MYO7B: variants seen among roughly 807,000 people sequenced by gnomAD.
The protein encoded by MYO7B is myosin VIIB, also known as unconventional myosin-VIIb.
Under a neutral mutation model 259.7 loss-of-function variants are expected in MYO7B, and 212 were observed. That is an observed-to-expected ratio of 0.82 (90% CI 0.73 to 0.91). The LOEUF (loss-of-function observed/expected upper bound fraction) is 0.91, where lower values mean the gene tolerates loss of function less well. Ranked by LOEUF, MYO7B falls within the 40% of genes least tolerant of loss-of-function variation. MYO7B has a pLI of 0.00. For missense variants in MYO7B, 2,732 were observed against 2,813.5 expected (o/e 0.97, Z 0.66); for synonymous variants, 1,197 against 1,166.4 (o/e 1.03, Z -0.54).
chr2:127,565,041 C>T (rs560684195), intron 3 of MYO7B, among the ~76,000 whole-genome samples, 192 bp from the exon 4 acceptor site: 25 of 152,284 alleles, frequency 1.6e-4, no homozygotes, highest in Admixed American at 9.8e-4. Context: ...ATAGATGGAC[C>T]GGATCCTGCC....
In MYO7B at chr2:127,613,685, C is replaced by T. The variant is rs1680468653; in HGVS notation, c.3398+1082C>T. 6.6e-6 allele frequency among the ~76,000 whole-genome samples: 1 copy of T among 152,142 alleles called. No individual in the cohort carries two copies. The highest frequency in any genetic ancestry group is 6.5e-5 in the Admixed American group (1 of 15,278). On this transcript the variant is annotated intron_variant, in intron 26 of 47. Transcript: ENST00000409816. This position sits in a 1 kb window ranked among gnomAD's most constrained non-coding sequence, Gnocchi z 4.3. ...TGTATCCTGGACATTGAGGATGATA[C>T]GTTAGAGACTCTGGATTCTGTTATA...
At chr2:127,550,837 G>A (rs1693417888) in intron 1 of MYO7B, among the ~76,000 whole-genome samples, 3 of 139,704 alleles carry the variant, frequency 2.1e-5, no homozygotes, top group Admixed American at 1.5e-4. Context: ...AGAGGGTAAA[G>A]GACCAGGAGA....
intron 26 of MYO7B, among the ~76,000 whole-genome samples, chr2:127,616,624 A>G (rs1454475166): frequency 6.6e-6 from 1 of 152,226 alleles, no homozygotes; most frequent in African/African-American, 2.4e-5. Flanking sequence ...ACCGGTGGGA[A>G]TCTTAGTGAG....
At position 127,614,588 on chromosome 2, in the gene MYO7B, A is replaced by C. The variant is rs1382433323; in HGVS notation, c.3398+1985A>C. Among the ~76,000 whole-genome samples the C allele has an allele frequency of 3.9e-5, 6 of 152,190 alleles. No individual in the cohort carries two copies. The highest frequency in any genetic ancestry group is 7.3e-5 in the Non-Finnish European group (5 of 68,030). On this transcript the variant is annotated intron_variant, in intron 26 of 47. Coordinates refer to ENST00000409816, the MANE Select transcript of MYO7B (RefSeq NM_001393586.1). This position sits in a 1 kb window ranked among gnomAD's most constrained non-coding sequence, Gnocchi z 4.6. ...GAACTCAATCAACAGGCTCTATTCT[A>C]GTACCCTGGGAGGTGGCAAATGGGC...
intron 40 of MYO7B, among the ~76,000 whole-genome samples, chr2:127,633,858 C>G (rs1346917824): frequency 1.8e-4 from 28 of 151,786 alleles, no homozygotes; most frequent in Admixed American, 1.8e-3. Context: ...TGTCGCCTCG[C>G]GCCCTCTCCA....
chr2:127,573,597 G>A (rs761637422), intron 6 of MYO7B, among the ~76,000 whole-genome samples: 5 of 152,152 alleles, frequency 3.3e-5, no homozygotes, highest in Non-Finnish European at 5.9e-5. Context: ...TTCTGAGCCC[G>A]GCATTTAAGG....
In MYO7B at chr2:127,615,556, T is replaced by G. The variant is rs1350757587; in HGVS notation, c.3398+2953T>G. 6.6e-6 allele frequency among the ~76,000 whole-genome samples: 1 copy of G among 151,950 alleles called. No homozygotes were observed. Among genetic ancestry groups the G allele is most frequent in the African/African-American group, 2.4e-5 (1 of 41,334 alleles). ...GGTCAGCTGCTTAATTGATCACAGG[T>G]TCATAGTATTACTAACAGGCTTCAG... is the stretch of plus-strand genomic sequence containing the variant. On this transcript the variant is annotated intron_variant, in intron 26 of 47. Transcript: ENST00000409816. This position sits in a 1 kb window ranked among gnomAD's most constrained non-coding sequence, Gnocchi z 4.4.
In MYO7B at chr2:127,627,511, T is replaced by TAGTA; in HGVS notation, c.4460+201_4460+202insAGTA. ...CCAGGCCGTACTGCCCATGAAGTACTCCATTGGGGCATCACGCGTTGCACT... is the reference window on the plus strand; with the variant it reads ...CCAGGCCGTACTGCCCATGAAGTACTAGTACCATTGGGGCATCACGCGTTGCACT... On this transcript the variant is annotated intron_variant, in intron 33 of 47. Coordinates refer to ENST00000409816, the MANE Select transcript of MYO7B (RefSeq NM_001393586.1). The surrounding 1 kb of genome is among the most constrained non-coding windows in gnomAD (Gnocchi z 5.6). 1.3e-6 allele frequency: 1 copy of TAGTA among 763,026 alleles called. No individual in the cohort carries two copies. The highest frequency in any genetic ancestry group is 2.2e-6 in the Non-Finnish European group (1 of 447,072). 47.3% of individuals were successfully genotyped at this position (763,026 alleles called of 1,614,324 possible). A position where few individuals can be genotyped will look rare whatever the true frequency, so the allele number is the denominator to read the frequency against.
intron 2 of MYO7B, among the ~76,000 whole-genome samples, chr2:127,563,650 G>A (rs1678198145): frequency 6.6e-6 from 1 of 152,204 alleles, no homozygotes; most frequent in East Asian, 1.9e-4. Context: ...CTGCCTTGGA[G>A]AAGTGAACTT....
In MYO7B at chr2:127,536,442, G is replaced by A. The variant is rs550534290; in HGVS notation, c.-24+611G>A. On this transcript the variant is annotated intron_variant, in intron 1 of 47. Transcript: ENST00000409816. ...CTCTGGAAGGCTGGGACCCTAGGGAGAGGCAGGACAGGTCTGGGGTGTGGT... is the reference window on the plus strand; with the variant it reads ...CTCTGGAAGGCTGGGACCCTAGGGAAAGGCAGGACAGGTCTGGGGTGTGGT... Among the ~76,000 whole-genome samples the A allele has an allele frequency of 5.3e-4, 76 of 143,036 alleles. 1 individual carries two copies. In the South Asian group the frequency reaches 0.014, roughly 26 times the overall value. 93.8% of individuals were successfully genotyped at this position (143,036 alleles called of 152,430 possible). A position where few individuals can be genotyped will look rare whatever the true frequency, so the allele number is the denominator to read the frequency against.
chr2:127,560,610 C>T (rs1465674181), intron 2 of MYO7B, among the ~76,000 whole-genome samples: 9 of 152,230 alleles, frequency 5.9e-5, no homozygotes, highest in African/African-American at 1.7e-4. Flanking sequence ...AGAAGCCTGG[C>T]GGCGGGGAGT....
chr2:127,627,381 G>T lies in MYO7B; in HGVS notation c.4460+71G>T. ...TGATGCATCTGGGGGCTCGGGGAGAGATGGGGAGAGGGGCAGTGTGCCGTC... is the reference window on the plus strand; with the variant it reads ...TGATGCATCTGGGGGCTCGGGGAGATATGGGGAGAGGGGCAGTGTGCCGTC... On this transcript the variant is annotated intron_variant, in intron 33 of 47. Transcript: ENST00000409816. This position sits in a 1 kb window ranked among gnomAD's most constrained non-coding sequence, Gnocchi z 5.6. The T allele has an allele frequency of 6.3e-5, 90 of 1,433,776 alleles. No individual in the cohort carries two copies. The highest frequency in any genetic ancestry group is 6.7e-5 in the Non-Finnish European group (70 of 1,039,712). 88.8% of individuals were successfully genotyped at this position (1,433,776 alleles called of 1,614,324 possible).
At position 127,593,587 on chromosome 2, in the gene MYO7B, C is replaced by T. The variant is rs1679653293; in HGVS notation, c.2187C>T (p.Asp729=). 3 of 1,613,668 alleles carry T rather than the reference C, an allele frequency of 1.9e-6. No individual in the cohort carries two copies. The highest frequency in any genetic ancestry group is 1.7e-5 in the Admixed American group (1 of 60,012). The part of the protein sequence containing the change: ...KLRQMTLGIT[D]VWLRTDKDWK... ...GCCAGATGACCCTGGGCATCACTGA[C>T]GTGTGGCTGCGGACAGACAAAGACT... Residue 729 remains aspartate (D), a synonymous_variant, in exon 18 of 48, where the codon GAC becomes GAT. Transcript: ENST00000409816.
At chr2:127,558,174 A>G (rs1210758863) in intron 1 of MYO7B, among the ~76,000 whole-genome samples, 1 of 152,230 alleles carries the variant, frequency 6.6e-6, no homozygotes, top group Non-Finnish European at 1.5e-5. Flanking sequence ...AATCCCATCA[A>G]AAAGTGGGCT....
At position 127,586,103 on chromosome 2, in the gene MYO7B, G is replaced by C. The variant is rs1377855402; in HGVS notation, c.1690+1190G>C. On this transcript the variant is annotated intron_variant, in intron 14 of 47. Coordinates refer to ENST00000409816, the MANE Select transcript of MYO7B (RefSeq NM_001393586.1). The surrounding 1 kb of genome is among the most constrained non-coding windows in gnomAD (Gnocchi z 4.8). ...CTTATCTATTTTCCTTTCTTTGCTTGTGTCATATCTAAGAGTCCAGGGTCA... is the reference window on the plus strand; with the variant it reads ...CTTATCTATTTTCCTTTCTTTGCTTCTGTCATATCTAAGAGTCCAGGGTCA... Among the ~76,000 whole-genome samples, 1 of 152,144 alleles carries C rather than the reference G, an allele frequency of 6.6e-6. No individual in the cohort carries two copies. Among genetic ancestry groups the C allele is most frequent in the African/African-American group, 2.4e-5 (1 of 41,434 alleles).
At chr2:127,544,867 A>G (rs184198816) in intron 1 of MYO7B, among the ~76,000 whole-genome samples, 2 of 151,820 alleles carry the variant, frequency 1.3e-5, no homozygotes, top group African/African-American at 4.8e-5. Context: ...GGCATGAGAC[A>G]CCGCGCCCGG....
At chr2:127,625,274 G>C (rs1681047668) in intron 30 of MYO7B, 94 bp from the exon 31 acceptor site, 2 of 1,373,198 alleles carry the variant, frequency 1.5e-6, no homozygotes, top group East Asian at 2.8e-5. Flanking sequence ...CCCTGTGATG[G>C]GGCAAGAGCC....
At chr2:127,578,003 A>G (rs1678942411) in intron 8 of MYO7B, 130 bp from the exon 9 acceptor site, 2 of 1,038,186 alleles carry the variant, frequency 1.9e-6, no homozygotes, top group Non-Finnish European at 2.7e-6. Context: ...CTCTGAAAAG[A>G]GTTTTTGAGC....
chr2:127,541,120 G>A (rs1434232229), intron 1 of MYO7B, among the ~76,000 whole-genome samples: 4 of 151,822 alleles, frequency 2.6e-5, no homozygotes, highest in Non-Finnish European at 5.9e-5. Context: ...AGTGAAGGGA[G>A]CGTCTGCTGG....
Sources: allele counts gnomAD v4.1 joint callset (sites outside exome capture counted in the v4.1 genomes callset), GRCh38; gene constraint gnomAD v4.1.1; non-coding constraint Gnocchi (gnomAD v3.1); transcripts MANE v1.5; gene names NCBI Gene and HGNC (gene_info 2026-07-23, HGNC 2026-07-21).